The following BBS9 variants were observed in gnomAD, a reference collection of about 807,000 sequenced individuals.
BBS9 encodes Bardet-Biedl syndrome 9, also known as protein PTHB1.
In BBS9, 89 loss-of-function variants were observed where a neutral mutation model predicts 117.7. The ratio of observed to expected loss-of-function variants is 0.76; its 90% CI spans 0.64 to 0.90. The LOEUF is 0.90. Among genes scored for constraint, BBS9 ranks in the 40% least tolerant of loss-of-function variants. The pLI is 0.00. For synonymous variants in BBS9, 379 were observed against 370.9 expected, an observed-to-expected ratio of 1.02 and a Z score of -0.25; for missense variants, 982 against 1,042.2, an observed-to-expected ratio of 0.94 and a Z score of 0.80.
At chr7:33,423,520 A>G (rs1024307955) in intron 19 of BBS9, among the ~76,000 whole-genome samples, 4 of 151,926 alleles carry the variant, frequency 2.6e-5, no homozygotes, top group African/African-American at 9.7e-5. Context: ...AGGGCCTTTC[A>G]TATGATGTGT....
rs1562773513 is a variant in BBS9, at chr7:33,193,421, C to CGTTTTTTTTTTTTTTTTTTTTTTT, written c.442+15830_442+15831insGTTTTTTTTTTTTTTTTTTTTTTT. 3.0e-5 allele frequency among the ~76,000 whole-genome samples: 2 copies of CGTTTTTTTTTTTTTTTTTTTTTTT among 67,792 alleles called. 1 individual carries two copies. The highest frequency in any genetic ancestry group is 6.6e-5 in the Non-Finnish European group (2 of 30,422). The allele number at this position is 67,792 out of a possible 152,430, so 44.5% of individuals were successfully genotyped here. ...TTGTCTTCCCCTGTCCCTCTCTCTG[C>CGTTTTTTTTTTTTTTTTTTTTTTT]CTTTTTTTTTTTTTTTTTTTGTAGT... On this transcript the variant is annotated intron_variant, in intron 5 of 22. Transcript: ENST00000242067.
At chr7:33,603,807 G>C (rs6967284) in intron 21 of BBS9, among the ~76,000 whole-genome samples, 1 of 152,102 alleles carries the variant, frequency 6.6e-6, no homozygotes, top group Non-Finnish European at 1.5e-5. Context: ...GTGGAAATGT[G>C]TTTCTCTCAT....
intron 4 of BBS9, among the ~76,000 whole-genome samples, chr7:33,171,731 T>A (rs1796608117): frequency 6.6e-6 from 1 of 152,172 alleles, no homozygotes; most frequent in African/African-American, 2.4e-5. Context: ...ATATTTTAAC[T>A]TATAAATGAC....
intron 20 of BBS9, among the ~76,000 whole-genome samples, chr7:33,528,949 C>T (rs1850126185): frequency 6.6e-6 from 1 of 152,198 alleles, no homozygotes; most frequent in Non-Finnish European, 1.5e-5. Flanking sequence ...TCTAATAAGC[C>T]ACTTGCTTGA....
intron 4 of BBS9, among the ~76,000 whole-genome samples, chr7:33,169,527 A>G (rs1796204608): frequency 6.7e-6 from 1 of 149,650 alleles, no homozygotes; most frequent in South Asian, 2.1e-4. Flanking sequence ...ATGGTATCTC[A>G]TTGTGGTTTT....
chr7:33,164,976 C>CT (rs1322926561), intron 4 of BBS9, among the ~76,000 whole-genome samples: 1 of 152,126 alleles, frequency 6.6e-6, no homozygotes, highest in Non-Finnish European at 1.5e-5. Context: ...CCGGTCTTTC[C>CT]TTTCCATGTT....
At chr7:33,623,028 A>G (rs2598377) in intron 21 of BBS9, among the ~76,000 whole-genome samples, 56,806 of 152,012 alleles carry the variant, frequency 0.37, 14,362 homozygotes, top group African/African-American at 0.72. Flanking sequence ...CCTTAATTTC[A>G]TCATAGCCTA....
chr7:33,270,430 G>C (rs904379519), intron 7 of BBS9, among the ~76,000 whole-genome samples: 20 of 152,124 alleles, frequency 1.3e-4, no homozygotes, highest in Middle Eastern at 6.3e-3. Context: ...AGATTCAGGA[G>C]AATGTCAAAA....
chr7:33,506,743 A>T (rs1434544870), intron 20 of BBS9, among the ~76,000 whole-genome samples: 3 of 152,164 alleles, frequency 2.0e-5, no homozygotes, highest in African/African-American at 7.2e-5. Context: ...GCTATATTTT[A>T]TGTGCTAACC....
intron 17 of BBS9, among the ~76,000 whole-genome samples, chr7:33,373,309 C>T (rs1409767513): frequency 2.0e-5 from 3 of 152,094 alleles, no homozygotes; most frequent in Non-Finnish European, 4.4e-5. Flanking sequence ...TAGAAGACAA[C>T]GCAGAAGTTT....
In BBS9 at chr7:33,383,720, A is replaced by G. The variant is rs370925964; in HGVS notation, c.1844A>G (p.Glu615Gly). The change falls in exon 18 of 23, where the codon GAG (glutamate) becomes GGG (glycine). Residue 615 changes from glutamate to glycine, a missense_variant. By Grantham distance (98) the Glu-to-Gly change is moderately conservative (BLOSUM62 -2). Coordinates refer to ENST00000242067, the MANE Select transcript of BBS9 (RefSeq NM_198428.3). ...GAAGATCTTTGGCTCATAACCAATGAGCTTATTCTTCGCCTTCAAGAATAT... is the reference window on the plus strand; with the variant it reads ...GAAGATCTTTGGCTCATAACCAATGGGCTTATTCTTCGCCTTCAAGAATAT... ...QFEDLWLITN[E>G]LILRLQEYFE... 9 of 1,611,888 alleles carry G rather than the reference A, an allele frequency of 5.6e-6. No individual in the cohort carries two copies. The highest frequency in any genetic ancestry group is 7.6e-6 in the Non-Finnish European group (9 of 1,178,918).
chr7:33,617,839 C>T (rs746805938), intron 21 of BBS9, among the ~76,000 whole-genome samples: 11 of 152,036 alleles, frequency 7.2e-5, no homozygotes, highest in East Asian at 1.9e-4. Context: ...TTTGAGATTA[C>T]GCAGTTTGAG....
intron 17 of BBS9, among the ~76,000 whole-genome samples, chr7:33,368,577 T>A (rs1448429527): frequency 7.8e-6 from 1 of 128,400 alleles, no homozygotes. Context: ...GAGAAAAAAG[T>A]ACACACACAC....
At chr7:33,220,024 C>T (rs1013869449) in intron 5 of BBS9, among the ~76,000 whole-genome samples, 5 of 152,084 alleles carry the variant, frequency 3.3e-5, no homozygotes, top group African/African-American at 9.7e-5. Flanking sequence ...GAACAAACTC[C>T]GGACACGCCG....
intron 21 of BBS9, among the ~76,000 whole-genome samples, chr7:33,580,187 G>C (rs1859638778): frequency 6.6e-6 from 1 of 151,786 alleles, no homozygotes; most frequent in Non-Finnish European, 1.5e-5. Flanking sequence ...TCCAGCTGTG[G>C]AGCAGGAACT....
At chr7:33,338,121 T>G (rs553511076) in intron 10 of BBS9, among the ~76,000 whole-genome samples, 1 of 152,250 alleles carries the variant, frequency 6.6e-6, no homozygotes, top group East Asian at 1.9e-4. Flanking sequence ...GACTTAGGTG[T>G]AAAGTGCATG....
In BBS9 at chr7:33,302,311, G is replaced by A. The variant is rs142435021; in HGVS notation, c.1016+28355G>A. Among the ~76,000 whole-genome samples the A allele has an allele frequency of 7.5e-3, 1,148 of 152,060 alleles. 19 individuals are homozygous for A. Among genetic ancestry groups the A allele is most frequent in the African/African-American group, 0.026 (1,090 of 41,484 alleles). On this transcript the variant is annotated intron_variant, in intron 9 of 22. Coordinates refer to ENST00000242067, the MANE Select transcript of BBS9 (RefSeq NM_198428.3). The stretch of plus-strand genomic sequence containing the variant: ...ATCCCATTTGTCTATTTCTGTTTTC[G>A]TTGCCTGTGTTTGTGGGGTATTACT...
At chr7:33,280,917 T>TTTG (rs1801742573) in intron 9 of BBS9, among the ~76,000 whole-genome samples, 1 of 146,834 alleles carries the variant, frequency 6.8e-6, no homozygotes, top group South Asian at 2.2e-4. Context: ...TTTTGTTTTT[T>TTTG]TTTTTTTTTT....
intron 5 of BBS9, among the ~76,000 whole-genome samples, chr7:33,204,691 T>C (rs1004811310): frequency 1.3e-5 from 2 of 152,190 alleles, no homozygotes; most frequent in Admixed American, 6.5e-5. Context: ...GGGGTAATAT[T>C]TCAGCCATAT....
Sources: gnomAD v4.1 joint callset for allele counts (sites outside exome capture counted in the v4.1 genomes callset) on GRCh38, gnomAD v4.1.1 for gene constraint, MANE v1.5 for transcripts, NCBI Gene and HGNC (gene_info 2026-07-23, HGNC 2026-07-21) for gene names.